The following RIGI variants were observed in gnomAD, a reference collection of about 807,000 sequenced individuals.
RIGI encodes RNA sensor RIG-I.
the RIGI span, among the ~76,000 whole-genome samples, chr9:32,479,356 G>C: frequency 5.9e-5 from 9 of 152,112 alleles, no homozygotes; most frequent in East Asian, 1.7e-3. Context: ...CACAGCACTG[G>C]TTACACATAT....
the RIGI span, among the ~76,000 whole-genome samples, chr9:32,524,325 G>C: frequency 6.6e-6 from 1 of 152,060 alleles, no homozygotes; most frequent in Non-Finnish European, 1.5e-5. Flanking sequence ...TTCCATCAAA[G>C]TGTATCAAAT....
At chr9:32,463,413 C>A in the RIGI span, among the ~76,000 whole-genome samples, 1 of 152,144 alleles carries the variant, frequency 6.6e-6, no homozygotes, top group African/African-American at 2.4e-5. Context: ...GTTCTAATCA[C>A]TACTTAAGCA....
At chr9:32,515,793 G>C in the RIGI span, among the ~76,000 whole-genome samples, 1 of 152,082 alleles carries the variant, frequency 6.6e-6, no homozygotes, top group African/African-American at 2.4e-5. Flanking sequence ...CGTTTTTTTA[G>C]TTCTGACAGA....
chr9:32,516,391 C>T, the RIGI span, among the ~76,000 whole-genome samples: 1 of 152,178 alleles, frequency 6.6e-6, no homozygotes, highest in African/African-American at 2.4e-5. Flanking sequence ...CCAGGAGGAC[C>T]TAGGCCAAAC....
chr9:32,465,167 T>G, the RIGI span, among the ~76,000 whole-genome samples: 2 of 152,184 alleles, frequency 1.3e-5, no homozygotes, highest in African/African-American at 4.8e-5. Context: ...CCATCCCCAG[T>G]AAAACTAAGG....
the RIGI span, among the ~76,000 whole-genome samples, chr9:32,504,647 T>C: frequency 6.7e-6 from 1 of 150,090 alleles, no homozygotes; most frequent in Non-Finnish European, 1.5e-5. Flanking sequence ...ATCCCACCAC[T>C]GCACTCCAGC....
chr9:32,458,406 A>C, the RIGI span, among the ~76,000 whole-genome samples: 1 of 152,224 alleles, frequency 6.6e-6, no homozygotes, highest in Non-Finnish European at 1.5e-5. Context: ...TCTCACCACC[A>C]AAATATTAAT....
chr9:32,498,390 C>A, the RIGI span: 2 of 456,214 alleles, frequency 4.4e-6, no homozygotes, highest in African/African-American at 2.0e-5. Flanking sequence ...CAGCATAAAT[C>A]TCTGTTTTAC....
the RIGI span, chr9:32,456,453 C>T: frequency 2.0e-5 from 3 of 152,010 alleles, no homozygotes; most frequent in Non-Finnish European, 4.4e-5. Context: ...AACATGAGTA[C>T]ATATAACCAT....
At chr9:32,500,782 G>A in the RIGI span, 1 of 1,603,068 alleles carries the variant, frequency 6.2e-7, no homozygotes, top group Non-Finnish European at 8.5e-7. Flanking sequence ...CCTCTGATTT[G>A]TGATTAAAAA....
At chr9:32,501,338 A>AT in the RIGI span, among the ~76,000 whole-genome samples, 7 of 148,208 alleles carry the variant, frequency 4.7e-5, no homozygotes, top group African/African-American at 7.3e-5. Context: ...AAAAAAAAAA[A>AT]AAAAAAAATT....
the RIGI span, among the ~76,000 whole-genome samples, chr9:32,461,757 G>A: frequency 6.6e-6 from 1 of 151,952 alleles, no homozygotes; most frequent in Non-Finnish European, 1.5e-5. Context: ...ATTCATTAGG[G>A]ATTGCCTTAT....
the RIGI span, chr9:32,480,187 C>T: frequency 8.3e-6 from 13 of 1,573,792 alleles, no homozygotes; most frequent in Non-Finnish European, 1.1e-5. Flanking sequence ...AAGAATGCTA[C>T]TGTGGCTTCC....
chr9:32,485,444 C>T, the RIGI span: 1 of 628,078 alleles, frequency 1.6e-6, no homozygotes, highest in Middle Eastern at 2.6e-4. Context: ...CCAGATGATA[C>T]AACAAATGCT....
At chr9:32,499,316 G>GTTTTTTTTTTTTTT in the RIGI span, among the ~76,000 whole-genome samples, 836 of 57,432 alleles carry the variant, frequency 0.015, 7 homozygotes, top group Middle Eastern at 0.022. Context: ...TTTGTGATTT[G>GTTTTTTTTTTTTTT]TTTTTTTTTT....
At chr9:32,501,289 G>A in the RIGI span, among the ~76,000 whole-genome samples, 1 of 148,280 alleles carries the variant, frequency 6.7e-6, no homozygotes, top group African/African-American at 2.5e-5. Context: ...TCAAAGTACT[G>A]GGATTACAGG....
chr9:32,521,139 C>CAAAAAAAAAA, the RIGI span, among the ~76,000 whole-genome samples: 191 of 32,780 alleles, frequency 5.8e-3, 42 homozygotes, highest in African/African-American at 0.018. Flanking sequence ...GACACCATCT[C>CAAAAAAAAAA]AAAAAAAAAA....
the RIGI span, among the ~76,000 whole-genome samples, chr9:32,510,892 G>C: frequency 6.6e-6 from 1 of 150,818 alleles, no homozygotes; most frequent in Non-Finnish European, 1.5e-5. Context: ...GATGGAGGAA[G>C]ATTTACCAAG....
the RIGI span, chr9:32,485,643 T>A: frequency 5.1e-5 from 20 of 393,292 alleles, no homozygotes; most frequent in East Asian, 3.7e-4. Flanking sequence ...CAGGTTCAAG[T>A]GATTCTTCTG....
Sources: gnomAD v4.1 joint callset for allele counts (sites outside exome capture counted in the v4.1 genomes callset) on GRCh38, gnomAD v4.1.1 for gene constraint, MANE v1.5 for transcripts, NCBI Gene and HGNC (gene_info 2026-07-23, HGNC 2026-07-21) for gene names.